PDE4B: variants seen among roughly 807,000 people sequenced by gnomAD.
PDE4B encodes the protein phosphodiesterase 4B.
In PDE4B, 20 loss-of-function variants were observed where a neutral mutation model predicts 82.2. The observed-to-expected ratio is 0.24, with a 90% CI of 0.17 to 0.35. The LOEUF is 0.35. Among genes scored for constraint, PDE4B ranks in the 10% least tolerant of loss-of-function variants. The pLI is 1.00. For missense variants in PDE4B, 655 were observed against 907.2 expected (o/e 0.72, Z 3.57); for synonymous variants, 320 against 318.9 (o/e 1.00, Z -0.04).
chr1:66,261,334 A>G (rs1654664118), intron 6 of PDE4B, among the ~76,000 whole-genome samples: 1 of 152,182 alleles, frequency 6.6e-6, no homozygotes, highest in African/African-American at 2.4e-5. Context: ...TACAACATAC[A>G]GAAAGCATAC....
intron 1 of PDE4B, among the ~76,000 whole-genome samples, chr1:65,801,980 A>G (rs1180230167): frequency 6.6e-6 from 1 of 152,240 alleles, no homozygotes; most frequent in African/African-American, 2.4e-5. Context: ...TGCATATGAC[A>G]AGGAATCTAC....
intron 3 of PDE4B, among the ~76,000 whole-genome samples, chr1:66,057,427 G>A (rs1570112368): frequency 1.3e-5 from 2 of 152,168 alleles, no homozygotes; most frequent in Non-Finnish European, 2.9e-5. Context: ...TGTTCCAACA[G>A]TATGAAGACA....
intron 3 of PDE4B, among the ~76,000 whole-genome samples, chr1:66,186,048 A>G (rs1009458538): frequency 1.3e-5 from 2 of 152,146 alleles, no homozygotes; most frequent in African/African-American, 4.8e-5. Flanking sequence ...TCAGCTTTCT[A>G]CATATGGCTA....
chr1:66,338,820 C>T (rs1188764745), intron 8 of PDE4B, among the ~76,000 whole-genome samples: 1 of 151,932 alleles, frequency 6.6e-6, no homozygotes, highest in Non-Finnish European at 1.5e-5. Context: ...ATATCGAGAC[C>T]ATCCCGGCTA....
intron 3 of PDE4B, among the ~76,000 whole-genome samples, chr1:66,097,222 T>C (rs1439470766): frequency 1.3e-5 from 2 of 152,098 alleles, no homozygotes; most frequent in Non-Finnish European, 2.9e-5. Context: ...CCACTAGTAA[T>C]GTATGGGAGT....
At chr1:66,233,868 C>G (rs1407099038) in intron 3 of PDE4B, among the ~76,000 whole-genome samples, 8 of 152,086 alleles carry the variant, frequency 5.3e-5, no homozygotes, top group Admixed American at 3.9e-4. Context: ...TGGATACACC[C>G]TACTTAATCA....
At chr1:65,927,837 G>A (rs12564815) in intron 3 of PDE4B, among the ~76,000 whole-genome samples, 6,063 of 152,174 alleles carry the variant, frequency 0.04, 478 homozygotes, top group East Asian at 0.36. Context: ...GCCAATGTGG[G>A]GGTTCTGCCA....
Position 65,865,256 on chromosome 1 carries a change from C to A in PDE4B, c.-70-47989C>A, listed in dbSNP as rs1646497905. Among the ~76,000 whole-genome samples, 3 of 152,300 alleles carry A rather than the reference C, an allele frequency of 2.0e-5. No individual in the cohort carries two copies. In the South Asian group the frequency reaches 6.2e-4, roughly 32 times the overall value. On this transcript the variant is annotated intron_variant, in intron 1 of 16. Transcript: ENST00000341517. The stretch of plus-strand genomic sequence containing the variant: ...ACCAAGCTCTATGGTCCCAGGTAGA[C>A]TTCAGAGTGCTGTGCCGTTAGTGAG...
intron 3 of PDE4B, among the ~76,000 whole-genome samples, chr1:66,053,252 A>C (rs1655133098): frequency 6.6e-6 from 1 of 152,218 alleles, no homozygotes; most frequent in Admixed American, 6.5e-5. Context: ...ATGTTCTTAT[A>C]TTCAGACATT....
chr1:66,229,542 A>G (rs1315331162), intron 3 of PDE4B, among the ~76,000 whole-genome samples: 1 of 152,206 alleles, frequency 6.6e-6, no homozygotes, highest in Non-Finnish European at 1.5e-5. Flanking sequence ...CCACTGTTTC[A>G]TAGACATGGG....
At chr1:65,940,056 G>T (rs1437658632) in intron 3 of PDE4B, among the ~76,000 whole-genome samples, 3 of 152,150 alleles carry the variant, frequency 2.0e-5, no homozygotes, top group Non-Finnish European at 4.4e-5. Context: ...AATAAACAAG[G>T]TGATGTGATA....
At chr1:65,916,274 T>C (rs1647158480) in intron 2 of PDE4B, among the ~76,000 whole-genome samples, 1 of 152,172 alleles carries the variant, frequency 6.6e-6, no homozygotes, top group South Asian at 2.1e-4. Context: ...AATTTGAAAA[T>C]TTGAGCTTGT....
Position 65,910,165 on chromosome 1 carries a change from G to T in PDE4B, c.-70-3080G>T, listed in dbSNP as rs551127253. ...GCTTTTATGACATAATTGAAATCAT[G>T]TACGTAGAGTGCTTAAAAATGGCTG... On this transcript the variant is annotated intron_variant, in intron 1 of 16. Coordinates refer to ENST00000341517, the MANE Select transcript of PDE4B (RefSeq NM_002600.4). Among the ~76,000 whole-genome samples the T allele has an allele frequency of 8.5e-5, 13 of 152,318 alleles. No homozygotes were observed. The South Asian group carries it at 2.7e-3, about 32-fold the overall frequency.
intron 3 of PDE4B, among the ~76,000 whole-genome samples, chr1:66,189,428 T>C (rs1243765633): frequency 6.6e-6 from 1 of 152,216 alleles, no homozygotes; most frequent in East Asian, 1.9e-4. Context: ...TGCAGAGTGT[T>C]TTCCAACTTG....
rs117497087 is a variant in PDE4B at position 66,364,425 on chromosome 1, G to A, written c.1284+854G>A. On this transcript the variant is annotated intron_variant, in intron 12 of 16. Coordinates refer to ENST00000341517, the MANE Select transcript of PDE4B (RefSeq NM_002600.4). Reference sequence around the variant, plus strand: ...ATAGATTAATGCATTTGTGTATACCGATATCATCAACAATGTGTACAGCAG... The same window carrying A: ...ATAGATTAATGCATTTGTGTATACCAATATCATCAACAATGTGTACAGCAG... Among the ~76,000 whole-genome samples the A allele has an allele frequency of 4.5e-4, 69 of 152,230 alleles. No individual in the cohort carries two copies. In the East Asian group the frequency reaches 6.9e-3, roughly 15 times the overall value.
At chr1:65,808,034 C>G (rs1645776599) in intron 1 of PDE4B, among the ~76,000 whole-genome samples, 1 of 152,126 alleles carries the variant, frequency 6.6e-6, no homozygotes, top group Non-Finnish European at 1.5e-5. Flanking sequence ...GAGCATCGAC[C>G]TCTAGACTGT....
At chr1:66,329,446 A>G (rs1318257958) in intron 7 of PDE4B, among the ~76,000 whole-genome samples, 1 of 152,164 alleles carries the variant, frequency 6.6e-6, no homozygotes, top group Non-Finnish European at 1.5e-5. Context: ...TTTTATAGCA[A>G]TTTTACTGCT....
intron 15 of PDE4B, 86 bp downstream of exon 15, chr1:66,368,151 C>T (rs1020954749): frequency 6.9e-7 from 1 of 1,441,854 alleles, no homozygotes; most frequent in African/African-American, 1.4e-5. Context: ...AAGATAAATT[C>T]AGTTATTGGT....
chr1:65,793,595 G>T (rs1390971017), intron 1 of PDE4B, among the ~76,000 whole-genome samples: 1 of 152,122 alleles, frequency 6.6e-6, no homozygotes, highest in Non-Finnish European at 1.5e-5. Flanking sequence ...ACGGATGGGC[G>T]CGCGGTGCCC....
Sources: allele counts gnomAD v4.1 joint callset (sites outside exome capture counted in the v4.1 genomes callset), GRCh38; gene constraint gnomAD v4.1.1; transcripts MANE v1.5; gene names NCBI Gene and HGNC (gene_info 2026-07-23, HGNC 2026-07-21).